Variants in ME1 observed in about 807,000 individuals in gnomAD.
The protein encoded by ME1 is NADP-dependent malic enzyme.
A neutral mutation model predicts 66.4 loss-of-function variants in ME1; 74 were observed. The observed-to-expected ratio is 1.11, with a 90% CI of 0.92 to 1.35. The LOEUF is 1.35. Among genes scored for constraint, ME1 ranks in the 40% most tolerant of loss-of-function variants. The pLI, the probability that ME1 is intolerant of heterozygous loss-of-function variation, is 0.00. For synonymous variants in ME1, 251 were observed against 235.6 expected (o/e 1.07, Z -0.60); for missense variants, 750 against 694.1 (o/e 1.08, Z -0.90).
chr6:83,412,704 C>T (rs1246934586), intron 1 of ME1, among the ~76,000 whole-genome samples: 2 of 151,976 alleles, frequency 1.3e-5, no homozygotes, highest in Non-Finnish European at 2.9e-5. Context: ...ATAGATGAAT[C>T]ATGTTAAGTG....
At chr6:83,244,781 T>C (rs1441520272) in intron 7 of ME1, among the ~76,000 whole-genome samples, 1 of 151,942 alleles carries the variant, frequency 6.6e-6, no homozygotes, top group Non-Finnish European at 1.5e-5. Context: ...AGAACCTAAA[T>C]GAACATGAAC....
At chr6:83,243,470 TTATA>T (rs1368555811) in intron 7 of ME1, among the ~76,000 whole-genome samples, 1 of 129,970 alleles carries the variant, frequency 7.7e-6, no homozygotes, top group Non-Finnish European at 1.5e-5. Context: ...ATTTATATAT[TTATA>T]TAATCTATTA....
At chr6:83,279,660 AG>A (rs1279397251) in intron 6 of ME1, among the ~76,000 whole-genome samples, 1 of 152,230 alleles carries the variant, frequency 6.6e-6, no homozygotes, top group African/African-American at 2.4e-5. Flanking sequence ...CAATTACAAA[AG>A]TTGTAAAATA....
At chr6:83,371,344 A>G (rs1190197666) in intron 3 of ME1, among the ~76,000 whole-genome samples, 1 of 152,134 alleles carries the variant, frequency 6.6e-6, no homozygotes, top group Non-Finnish European at 1.5e-5. Context: ...ATTCTTGCAG[A>G]TTAGTGTATC....
chr6:83,394,845 A>T (rs888819663), intron 3 of ME1, among the ~76,000 whole-genome samples: 1 of 152,184 alleles, frequency 6.6e-6, no homozygotes, highest in Non-Finnish European at 1.5e-5. Context: ...TAATATAATG[A>T]ATAAGTAGTG....
At chr6:83,376,804 C>CCAA (rs768668584) in intron 3 of ME1, among the ~76,000 whole-genome samples, 1 of 87,126 alleles carries the variant, frequency 1.1e-5, no homozygotes, top group African/African-American at 3.9e-5. Flanking sequence ...CCCTGTCTCA[C>CCAA]AAAAAAAAAA....
At chr6:83,423,465 T>C (rs1770310235) in intron 1 of ME1, among the ~76,000 whole-genome samples, 1 of 152,094 alleles carries the variant, frequency 6.6e-6, no homozygotes, top group African/African-American at 2.4e-5. Flanking sequence ...TAGATTATCC[T>C]TTCCCTCTTA....
At chr6:83,298,880 G>A (rs887067848) in intron 6 of ME1, among the ~76,000 whole-genome samples, 1 of 135,302 alleles carries the variant, frequency 7.4e-6, no homozygotes, top group Non-Finnish European at 1.5e-5. Flanking sequence ...GGTTGGAGAT[G>A]TGTGGTCTTA....
chr6:83,356,857 C>G (rs1768899621), intron 3 of ME1, among the ~76,000 whole-genome samples: 1 of 152,094 alleles, frequency 6.6e-6, no homozygotes, highest in African/African-American at 2.4e-5. Context: ...TAATCTTAAC[C>G]AGAAAATTAA....
At chr6:83,290,382 T>A (rs1767479540) in intron 6 of ME1, among the ~76,000 whole-genome samples, 1 of 152,204 alleles carries the variant, frequency 6.6e-6, no homozygotes, top group Admixed American at 6.5e-5. Flanking sequence ...CATTTCATTA[T>A]TTACCCAGTA....
chr6:83,284,112 T>C (rs1318878441), intron 6 of ME1, among the ~76,000 whole-genome samples: 1 of 152,132 alleles, frequency 6.6e-6, no homozygotes, highest in African/African-American at 2.4e-5. Flanking sequence ...AACACCTCTA[T>C]GCACATGAAC....
chr6:83,313,050 C>T (rs761529092), intron 6 of ME1, among the ~76,000 whole-genome samples: 27 of 152,302 alleles, frequency 1.8e-4, no homozygotes, highest in Non-Finnish European at 2.9e-4. Flanking sequence ...AGCCACTGTG[C>T]CTGGCCCAAG....
intron 5 of ME1, 24 bp downstream of exon 5, chr6:83,346,149 G>T (rs1303726920): frequency 6.4e-7 from 1 of 1,574,012 alleles, no homozygotes; most frequent in Non-Finnish European, 8.7e-7. Flanking sequence ...GTACATAGCT[G>T]CCTTATAGAC....
At chr6:83,356,288 G>A (rs1404571461) in intron 3 of ME1, among the ~76,000 whole-genome samples, 3 of 151,966 alleles carry the variant, frequency 2.0e-5, no homozygotes, top group Non-Finnish European at 4.4e-5. Flanking sequence ...TTTGAAATAA[G>A]AAAAGTAAAC....
At chr6:83,310,358 C>T (rs1228323504) in intron 6 of ME1, among the ~76,000 whole-genome samples, 1 of 152,212 alleles carries the variant, frequency 6.6e-6, no homozygotes, top group Non-Finnish European at 1.5e-5. Flanking sequence ...GTCATGGTGC[C>T]TGCAGGCAGC....
intron 6 of ME1, among the ~76,000 whole-genome samples, chr6:83,256,825 A>G (rs891946773): frequency 4.6e-5 from 7 of 152,216 alleles, no homozygotes; most frequent in Admixed American, 1.3e-4. Context: ...GATAAAGAAA[A>G]TGAGGCACAT....
intron 2 of ME1, among the ~76,000 whole-genome samples, chr6:83,404,151 G>A (rs1041463034): frequency 1.3e-5 from 2 of 151,932 alleles, no homozygotes; most frequent in African/African-American, 4.8e-5. Flanking sequence ...TTTCTCTACA[G>A]CCTCACCAGC....
intron 11 of ME1, among the ~76,000 whole-genome samples, chr6:83,224,406 G>C (rs1790147534): frequency 6.6e-6 from 1 of 152,138 alleles, no homozygotes; most frequent in Non-Finnish European, 1.5e-5. Context: ...ATGTGGGCTA[G>C]GCACAGTGGC....
At chr6:83,317,835 C>T (rs1290114499) in intron 5 of ME1, among the ~76,000 whole-genome samples, 1 of 152,130 alleles carries the variant, frequency 6.6e-6, no homozygotes, top group East Asian at 1.9e-4. Flanking sequence ...AAAGAGCCCG[C>T]ACTGCCAAGT....
Sources: allele counts gnomAD v4.1 joint callset (sites outside exome capture counted in the v4.1 genomes callset), GRCh38; gene constraint gnomAD v4.1.1; transcripts MANE v1.5; gene names NCBI Gene and HGNC (gene_info 2026-07-23, HGNC 2026-07-21).